DNAH14: variants seen among roughly 807,000 people sequenced by gnomAD.
DNAH14 encodes the protein dynein axonemal heavy chain 14, also known as axonemal beta dynein heavy chain 14.
Under a neutral mutation model 520.9 loss-of-function variants are expected in DNAH14, and 478 were observed. The observed-to-expected ratio is 0.92, with a 90% CI of 0.85 to 0.99. The LOEUF (loss-of-function observed/expected upper bound fraction) is 0.99. Ranked by LOEUF, DNAH14 falls within the 50% of genes least tolerant of loss-of-function variation. DNAH14 has a pLI of 0.00. For synonymous variants in DNAH14, 1,581 were observed against 1,757.2 expected, an observed-to-expected ratio of 0.90 and a Z score of 2.51; for missense variants, 4,831 against 5,234.5, an observed-to-expected ratio of 0.92 and a Z score of 2.38.
chr1:225,335,926 T>C (rs1030996097), intron 66 of DNAH14, among the ~76,000 whole-genome samples: 4 of 144,376 alleles, frequency 2.8e-5, no homozygotes, highest in African/African-American at 1.0e-4. Flanking sequence ...TATATGCACA[T>C]ATACCTATAT....
At chr1:225,255,618 T>C (rs928955926) in intron 44 of DNAH14, among the ~76,000 whole-genome samples, 9 of 152,182 alleles carry the variant, frequency 5.9e-5, no homozygotes, top group African/African-American at 1.7e-4. Flanking sequence ...CAGCATCCAG[T>C]CAGAAGCCAA....
chr1:225,212,792 T>C (rs1038209636), intron 41 of DNAH14, among the ~76,000 whole-genome samples: 4 of 152,212 alleles, frequency 2.6e-5, no homozygotes, highest in Non-Finnish European at 5.9e-5. Flanking sequence ...AACTTCTTTG[T>C]AGATTCTGGA....
intron 73 of DNAH14, among the ~76,000 whole-genome samples, chr1:225,355,454 C>G (rs1330497479): frequency 1.3e-5 from 2 of 151,892 alleles, no homozygotes; most frequent in African/African-American, 4.8e-5. Flanking sequence ...ACTATGTTGC[C>G]CAGGTTCCTC....
At chr1:225,172,868 G>C (rs538379773) in intron 36 of DNAH14, among the ~76,000 whole-genome samples, 1 of 152,088 alleles carries the variant, frequency 6.6e-6, no homozygotes, top group Non-Finnish European at 1.5e-5. Context: ...ATACTACAAG[G>C]CTACCATAAC....
intron 21 of DNAH14, among the ~76,000 whole-genome samples, chr1:225,090,450 A>G (rs935944184): frequency 6.6e-6 from 1 of 152,190 alleles, no homozygotes; most frequent in Non-Finnish European, 1.5e-5. Flanking sequence ...CAAAAGAAGA[A>G]CAAAGTTGGA....
intron 8 of DNAH14, among the ~76,000 whole-genome samples, chr1:224,987,922 G>A (rs962773993): frequency 6.6e-6 from 1 of 152,072 alleles, no homozygotes; most frequent in African/African-American, 2.4e-5. Context: ...TAAGTTCTGG[G>A]GTACATGTGC....
intron 27 of DNAH14, among the ~76,000 whole-genome samples, chr1:225,132,313 G>C (rs956036909): frequency 6.6e-6 from 1 of 152,044 alleles, no homozygotes; most frequent in South Asian, 2.1e-4. Context: ...CGTCACCTAG[G>C]TATTAAGCCC....
chr1:225,156,649 T>C (rs1430349449), intron 34 of DNAH14, among the ~76,000 whole-genome samples: 5 of 151,934 alleles, frequency 3.3e-5, no homozygotes, highest in Admixed American at 6.6e-5. Flanking sequence ...CTGTCTCTTA[T>C]TAGGATACAT....
intron 49 of DNAH14, 23 bp from the exon 50 acceptor site, chr1:225,270,712 C>G: frequency 6.5e-7 from 1 of 1,546,998 alleles, no homozygotes; most frequent in African/African-American, 1.4e-5. Context: ...TTCAGTTACT[C>G]TTCCTTTTTA....
intron 75 of DNAH14, among the ~76,000 whole-genome samples, chr1:225,363,145 A>G (rs2095512263): frequency 6.6e-6 from 1 of 152,100 alleles, no homozygotes; most frequent in Non-Finnish European, 1.5e-5. Context: ...AATTCTTAAC[A>G]TTTACCCTAT....
intron 42 of DNAH14, among the ~76,000 whole-genome samples, chr1:225,239,830 A>T (rs1244197983): frequency 1.3e-5 from 2 of 152,258 alleles, no homozygotes; most frequent in Non-Finnish European, 2.9e-5. Context: ...ATGATTGCTA[A>T]TAAATTCCAG....
At chr1:225,261,998 A>AT (rs1008780182) in intron 46 of DNAH14, among the ~76,000 whole-genome samples, 3 of 151,904 alleles carry the variant, frequency 2.0e-5, no homozygotes, top group South Asian at 2.1e-4. Flanking sequence ...TTTTAAGTCG[A>AT]TTTTTTTTAT....
chr1:224,963,687 A>AC (rs1448410411), intron 4 of DNAH14, among the ~76,000 whole-genome samples: 1 of 152,076 alleles, frequency 6.6e-6, no homozygotes, highest in Non-Finnish European at 1.5e-5. Context: ...TCCTCTTGTC[A>AC]GACATACACA....
intron 59 of DNAH14, among the ~76,000 whole-genome samples, chr1:225,308,004 C>T (rs935692491): frequency 1.3e-5 from 2 of 152,164 alleles, no homozygotes; most frequent in Non-Finnish European, 2.9e-5. Flanking sequence ...AGTGGCAGAC[C>T]AATGGCAGAG....
At chr1:224,980,547 T>A (rs549791179) in intron 8 of DNAH14, among the ~76,000 whole-genome samples, 1 of 152,304 alleles carries the variant, frequency 6.6e-6, no homozygotes, top group African/African-American at 2.4e-5. Context: ...ATCCAGGGCC[T>A]GGGGGATCTC....
At chr1:224,974,330 C>T (rs2061674137) in intron 8 of DNAH14, among the ~76,000 whole-genome samples, 177 bp downstream of exon 8, 1 of 152,092 alleles carries the variant, frequency 6.6e-6, no homozygotes, top group African/African-American at 2.4e-5. Flanking sequence ...CTGTGTTTTG[C>T]AGTGTACCAT....
At chr1:225,197,665 C>G (rs1559261058) in intron 38 of DNAH14, among the ~76,000 whole-genome samples, 1 of 152,064 alleles carries the variant, frequency 6.6e-6, no homozygotes, top group South Asian at 2.1e-4. Flanking sequence ...TTGATTCTAC[C>G]CATCCATGAG....
chr1:225,175,703 T>G (rs2083245586), intron 36 of DNAH14, among the ~76,000 whole-genome samples: 1 of 74,950 alleles, frequency 1.3e-5, no homozygotes, highest in Non-Finnish European at 2.5e-5. Flanking sequence ...TTTTGGATCT[T>G]TTTTTTTTTT....
At chr1:225,128,161 TTTGGTGAATCTGACAATTGTGTC>T (rs2077967898) in intron 27 of DNAH14, among the ~76,000 whole-genome samples, 1 of 152,154 alleles carries the variant, frequency 6.6e-6, no homozygotes, top group African/African-American at 2.4e-5. Context: ...TCATTTCAAC[TTTGGTGAATCTGACAATTGTGTC>T]TTGGAGTTGC....
Sources: gnomAD v4.1 joint callset for allele counts (sites outside exome capture counted in the v4.1 genomes callset) on GRCh38, gnomAD v4.1.1 for gene constraint, MANE v1.5 for transcripts, NCBI Gene and HGNC (gene_info 2026-07-23, HGNC 2026-07-21) for gene names.